The following STK3 variants were observed in gnomAD, a reference collection of about 807,000 sequenced individuals.
STK3 encodes the protein serine/threonine-protein kinase 3.
STK3 carries 41 observed loss-of-function variants against 58.0 expected under a neutral mutation model. The ratio of observed to expected loss-of-function variants is 0.71; its 90% CI spans 0.55 to 0.92. The LOEUF is 0.92. Ranked by LOEUF, STK3 falls within the 40% of genes least tolerant of loss-of-function variation. STK3 has a pLI of 0.00. For synonymous variants in STK3, 170 were observed against 191.0 expected (o/e 0.89, Z 0.91); for missense variants, 479 against 602.7 (o/e 0.79, Z 2.15).
rs558356345 is a variant in STK3 at position 98,609,182 on chromosome 8, C to T, written c.685-13013G>A. ...GAAGAGGGCTCTGCCAATAACAAAG[C>T]ATATTAAGTTATATATTTCAGAATA... On this transcript the variant is annotated intron_variant, in intron 6 of 10. Transcript: ENST00000419617. Among the ~76,000 whole-genome samples the T allele has an allele frequency of 9.8e-5, 13 of 133,274 alleles. No individual in the cohort carries two copies. In the South Asian group the frequency reaches 2.2e-3, roughly 23 times the overall value. The allele number at this position is 133,274 out of a possible 152,430, so 87.4% of individuals were successfully genotyped here. A position where few individuals can be genotyped will look rare whatever the true frequency, so the allele number is the denominator to read the frequency against.
At chr8:98,523,148 C>T (rs1313967607) in intron 10 of STK3, among the ~76,000 whole-genome samples, 1 of 152,174 alleles carries the variant, frequency 6.6e-6, no homozygotes, top group Non-Finnish European at 1.5e-5. Context: ...CAACATACTT[C>T]CACCAGCAGG....
At chr8:98,747,921 A>T (rs942745929) in intron 4 of STK3, among the ~76,000 whole-genome samples, 5 of 152,298 alleles carry the variant, frequency 3.3e-5, no homozygotes, top group Admixed American at 3.3e-4. Flanking sequence ...GAATGGATAA[A>T]ATCTTTCCTT....
chr8:98,504,380 C>T (rs1443208396), intron 10 of STK3, among the ~76,000 whole-genome samples: 2 of 152,142 alleles, frequency 1.3e-5, no homozygotes, highest in Admixed American at 6.5e-5. Context: ...GGGCATTTAG[C>T]CCATTTACAT....
intron 1 of STK3, chr8:98,905,027 G>A (rs1432892609): frequency 7.0e-6 from 6 of 860,346 alleles, no homozygotes; most frequent in East Asian, 2.6e-5. Context: ...CATATGCATC[G>A]TTGTAATACC....
intron 3 of STK3, among the ~76,000 whole-genome samples, chr8:98,841,681 C>CAAAAAAAAAAA (rs10605812): frequency 1.2e-5 from 1 of 86,712 alleles, no homozygotes; most frequent in Admixed American, 1.4e-4. Flanking sequence ...GACCTGGTCT[C>CAAAAAAAAAAA]AAAAAAAAAA....
At chr8:98,349,052 A>G in the STK3 span, among the ~76,000 whole-genome samples, 1 of 152,262 alleles carries the variant, frequency 6.6e-6, no homozygotes, top group African/African-American at 2.4e-5. Flanking sequence ...GTACATCCAG[A>G]CAATAGAATA....
chr8:98,453,923 C>A (rs1376655837), downstream of STK3, among the ~76,000 whole-genome samples: 1 of 152,182 alleles, frequency 6.6e-6, no homozygotes, highest in Non-Finnish European at 1.5e-5. Context: ...TCAACTCACA[C>A]AACTGTCCCC....
chr8:98,716,503 C>G (rs979550925), intron 4 of STK3, among the ~76,000 whole-genome samples: 2 of 151,736 alleles, frequency 1.3e-5, no homozygotes, highest in African/African-American at 4.8e-5. Flanking sequence ...ATGAAAACTA[C>G]AAAACACTGC....
chr8:98,862,888 G>T (rs1395588272), intron 3 of STK3, among the ~76,000 whole-genome samples: 2 of 152,218 alleles, frequency 1.3e-5, no homozygotes, highest in Non-Finnish European at 2.9e-5. Context: ...ACACACAACA[G>T]GTTCAAACCA....
At chr8:98,477,587 A>T (rs1486938002) in intron 10 of STK3, among the ~76,000 whole-genome samples, 1 of 151,250 alleles carries the variant, frequency 6.6e-6, no homozygotes, top group Non-Finnish European at 1.5e-5. Flanking sequence ...TTCCTATCTC[A>T]GTCTCCACCA....
chr8:98,747,302 T>C (rs1238571286), intron 4 of STK3, among the ~76,000 whole-genome samples: 1 of 151,992 alleles, frequency 6.6e-6, no homozygotes, highest in Non-Finnish European at 1.5e-5. Flanking sequence ...TATACAGAAT[T>C]TAAAGAAACA....
At chr8:98,526,414 A>G (rs1040405492) in intron 10 of STK3, 2 of 161,000 alleles carry the variant, frequency 1.2e-5, no homozygotes, top group African/African-American at 4.8e-5. Context: ...AGTTTACTGA[A>G]TGTCAGAAGT....
upstream of STK3, among the ~76,000 whole-genome samples, chr8:98,827,581 T>C (rs1300941505): frequency 1.3e-5 from 2 of 152,236 alleles, no homozygotes; most frequent in African/African-American, 4.8e-5. Flanking sequence ...CAAACCATTA[T>C]ATTCTTTCCT....
At chr8:98,621,661 C>T (rs943885434) in intron 6 of STK3, among the ~76,000 whole-genome samples, 2 of 151,746 alleles carry the variant, frequency 1.3e-5, no homozygotes, top group African/African-American at 4.8e-5. Context: ...GACTTTTCTT[C>T]TTTAGTCTGT....
chr8:98,379,587 G>A (rs1289739905), intron 1 of STK3, among the ~76,000 whole-genome samples: 1 of 152,132 alleles, frequency 6.6e-6, no homozygotes, highest in Non-Finnish European at 1.5e-5. Context: ...AGTGCTCAGG[G>A]ACTAGAGGAC....
chr8:98,641,170 T>G (rs2130608772), intron 6 of STK3, among the ~76,000 whole-genome samples: 1 of 152,286 alleles, frequency 6.6e-6, no homozygotes, highest in African/African-American at 2.4e-5. Flanking sequence ...TGTTTAAGGA[T>G]TAATTAATGA....
chr8:98,803,557 G>GCA (rs1833709132), intron 1 of STK3, among the ~76,000 whole-genome samples: 1 of 136,774 alleles, frequency 7.3e-6, no homozygotes, highest in South Asian at 2.3e-4. Flanking sequence ...TCGCGCCACT[G>GCA]CACTCCAGCC....
intron 6 of STK3, among the ~76,000 whole-genome samples, chr8:98,673,789 GAAAT>G (rs1218893296): frequency 3.9e-5 from 6 of 151,916 alleles, no homozygotes; most frequent in Non-Finnish European, 8.8e-5. Flanking sequence ...TTTAAAAAAA[GAAAT>G]AAAAAACAAT....
intron 8 of STK3, among the ~76,000 whole-genome samples, chr8:98,552,561 G>C (rs533208067): frequency 6.6e-6 from 1 of 152,130 alleles, no homozygotes; most frequent in South Asian, 2.1e-4. Context: ...TCTCAGACTG[G>C]AATGCTCATC....
Sources: allele counts gnomAD v4.1 joint callset (sites outside exome capture counted in the v4.1 genomes callset), GRCh38; gene constraint gnomAD v4.1.1; transcripts MANE v1.5; gene names NCBI Gene and HGNC (gene_info 2026-07-23, HGNC 2026-07-21).